Variants in CDKL5 observed in about 807,000 individuals in gnomAD.
CDKL5 encodes cyclin-dependent kinase-like 5.
CDKL5 carries 8 observed loss-of-function variants against 61.7 expected under a neutral mutation model. The observed-to-expected ratio is 0.13, with a 90% confidence interval of 0.08 to 0.23. The LOEUF is 0.23. CDKL5 is among the 10% of genes least tolerant of loss of function. The pLI, the probability that CDKL5 is intolerant of heterozygous loss-of-function variation, is 1.00. For missense variants in CDKL5, 440 were observed against 734.5 expected (o/e 0.60, Z 4.63); for synonymous variants, 275 against 272.3 (o/e 1.01, Z -0.10).
chrX:18,564,482 A>C lies in CDKL5; in HGVS notation c.105A>C (p.Thr35=). ...GVVLKCRHKE[T]HEIVAIKKFK... is the part of the protein sequence containing the mutation. ...CTGCTTCTTTTCCCTTGCAGGAAAC[A>C]CATGAAATTGTGGCGATCAAGAAAT... The change falls in exon 4 of 18, where the codon ACA becomes ACC. Residue 35 remains threonine (T), a synonymous_variant. Transcript: ENST00000623535. The C allele has an allele frequency of 8.6e-7, 1 of 1,160,556 alleles. No homozygotes were observed. The highest frequency in any genetic ancestry group is 1.2e-6 in the Non-Finnish European group (1 of 853,481).
intron 3 of CDKL5, among the ~76,000 whole-genome samples, chrX:18,564,012 A>C (rs911249537): frequency 8.9e-6 from 1 of 111,796 alleles, no homozygotes; most frequent in Non-Finnish European, 1.9e-5. Flanking sequence ...GTGGCCATCA[A>C]TAGGGGCGAG....
chrX:18,650,510 A>T (rs1340500252), exon 21 of CDKL5: 2 of 1,210,444 alleles, frequency 1.7e-6, no homozygotes, highest in Non-Finnish European at 2.2e-6. Context: ...CCTATCCAGT[A>T]CTCCAGGTCC....
chrX:18,653,483 C>A, exon 22 of CDKL5: 3 of 1,211,573 alleles, frequency 2.5e-6, no homozygotes, highest in African/African-American at 1.7e-5. Context: ...ATTCACAGGG[C>A]CCAGGTAAAC....
chrX:18,511,884 T>G (rs1922844182), intron 3 of CDKL5, among the ~76,000 whole-genome samples: 2 of 111,994 alleles, frequency 1.8e-5, no homozygotes, highest in Non-Finnish European at 3.8e-5. Context: ...ACCCATTAAC[T>G]TAGATTGCTT....
At chrX:18,439,287 A>G (rs1316038779) in intron 1 of CDKL5, among the ~76,000 whole-genome samples, 2 of 110,078 alleles carry the variant, frequency 1.8e-5, no homozygotes, top group Admixed American at 2.0e-4. Flanking sequence ...ATGGTATGGC[A>G]GATGAAGGGG....
chrX:18,447,417 C>T (rs1408217406), intron 1 of CDKL5, among the ~76,000 whole-genome samples: 2 of 111,747 alleles, frequency 1.8e-5, no homozygotes, highest in East Asian at 5.6e-4. Context: ...TCTGAAAGAG[C>T]GATTTACACG....
Position 18,509,195 on chromosome X carries a change from A to ACGCACGCGCG in CDKL5, c.65-1620_65-1619insGCGCGCGCAC, listed in dbSNP as rs1348103497. On this transcript the variant is annotated intron_variant, in intron 2 of 17. Coordinates refer to ENST00000623535, the MANE Select transcript of CDKL5 (RefSeq NM_001323289.2). ...TGAGAGAGCGAGACTGTCTCAAAAC[A>ACGCACGCGCG]CGCACACACACACACACACACACAC... is the stretch of plus-strand genomic sequence containing the variant. Among the ~76,000 whole-genome samples, 112 of 64,683 alleles carry ACGCACGCGCG rather than the reference A, an allele frequency of 1.7e-3. 1 individual carries two copies. The highest frequency in any genetic ancestry group is 6.8e-3 in the African/African-American group (103 of 15,123). 56.2% of individuals were successfully genotyped at this position (64,683 alleles called of 115,157 possible).
intron 7 of CDKL5, among the ~76,000 whole-genome samples, chrX:18,582,345 A>G (rs1935898324): frequency 8.9e-6 from 1 of 111,748 alleles, no homozygotes; most frequent in African/African-American, 3.2e-5. Flanking sequence ...AAGTCAAAAG[A>G]CATTTTTAGA....
Position 18,632,685 on chromosome X carries a change from A to G in CDKL5, c.*3928A>G. 2 of 753,915 alleles carry G rather than the reference A, an allele frequency of 2.7e-6. No homozygotes were observed. The highest frequency in any genetic ancestry group is 7.6e-4 in the Middle Eastern group (1 of 1,319). The allele number at this position is 753,915 out of a possible 1,213,427, so 62.1% of individuals were successfully genotyped here. A position where few individuals can be genotyped will look rare whatever the true frequency, so the allele number is the denominator to read the frequency against. On this transcript the variant is annotated 3_prime_UTR_variant, in exon 18 of 18. Transcript: ENST00000623535. ...GTACTTTAATTCTAAGCTCAGAGCT[A>G]TGCTGTCAGTCTCTAGTCACGCCAT...
chrX:18,523,573 A>G (rs1923329540), intron 3 of CDKL5, among the ~76,000 whole-genome samples: 1 of 112,026 alleles, frequency 8.9e-6, no homozygotes, highest in South Asian at 3.7e-4. Context: ...TGTTGTATAC[A>G]TGTAATTAGA....
intron 21 of CDKL5, among the ~76,000 whole-genome samples, chrX:18,651,193 C>T (rs770245915): frequency 2.0e-4 from 16 of 79,159 alleles, no homozygotes; most frequent in Non-Finnish European, 2.9e-4. Context: ...TGAATGGTTT[C>T]GGCTGTCCTT....
chrX:18,509,197 G>GCACGCACACACACA (rs1204561636), intron 2 of CDKL5, among the ~76,000 whole-genome samples: 45 of 64,308 alleles, frequency 7.0e-4, no homozygotes, highest in Non-Finnish European at 1.1e-3. Context: ...CTCAAAACAC[G>GCACGCACACACACA]CACACACACA....
At chrX:18,568,780 A>G (rs1489981913) in intron 4 of CDKL5, among the ~76,000 whole-genome samples, 1 of 109,962 alleles carries the variant, frequency 9.1e-6, no homozygotes, top group Non-Finnish European at 1.9e-5. Flanking sequence ...TGCAGCCTTG[A>G]ACTCCTGGGC....
intron 5 of CDKL5, among the ~76,000 whole-genome samples, chrX:18,578,509 T>C: frequency 8.9e-6 from 1 of 112,298 alleles, no homozygotes; most frequent in Non-Finnish European, 1.9e-5. Flanking sequence ...AAGAACTTTT[T>C]ATTTATGTGT....
chrX:18,598,600 A>T lies in CDKL5; in HGVS notation c.964A>T (p.Thr322Ser), dbSNP rs1268834504. The T allele has an allele frequency of 1.7e-6, 2 of 1,209,591 alleles. No homozygotes were observed. ...AAAACCTTACCATGTGGAAAGCAGCACATTGTCTAATAGGTAAATATTCCC... is the reference window on the plus strand; with the variant it reads ...AAAACCTTACCATGTGGAAAGCAGCTCATTGTCTAATAGGTAAATATTCCC... Reference protein sequence around the residue: ...KRKPYHVESSTLSNRNQAGKS... With the variant: ...KRKPYHVESSSLSNRNQAGKS... Residue 322 changes from threonine to serine, a missense_variant, in exon 11 of 18, where the codon ACA becomes TCA. Thr to Ser is a moderately conservative substitution (Grantham distance 58, BLOSUM62 1). Transcript: ENST00000623535.
intron 1 of CDKL5, among the ~76,000 whole-genome samples, chrX:18,466,034 A>G (rs1459546783): frequency 6.3e-5 from 7 of 111,513 alleles, no homozygotes; most frequent in South Asian, 3.7e-4. Flanking sequence ...TGATAAGCTA[A>G]TTTTTTCTGC....
chrX:18,589,715 G>A (rs1163907158), intron 9 of CDKL5: 2 of 111,997 alleles, frequency 1.8e-5, no homozygotes, highest in East Asian at 5.6e-4. Context: ...TCACCACACT[G>A]ACTTCCACAA....
At chrX:18,450,223 A>C (rs1031529415) in intron 1 of CDKL5, among the ~76,000 whole-genome samples, 1 of 112,357 alleles carries the variant, frequency 8.9e-6, no homozygotes, top group South Asian at 3.7e-4. Flanking sequence ...TTTTTAGTGT[A>C]GATTTATTAT....
intron 4 of CDKL5, among the ~76,000 whole-genome samples, chrX:18,572,897 C>A (rs1339259848): frequency 9.0e-6 from 1 of 111,651 alleles, no homozygotes; most frequent in Non-Finnish European, 1.9e-5. Flanking sequence ...ACTAAGCAAA[C>A]AAATATATCA....
Sources: gnomAD v4.1 joint callset for allele counts (sites outside exome capture counted in the v4.1 genomes callset) on GRCh38, gnomAD v4.1.1 for gene constraint, MANE v1.5 for transcripts, NCBI Gene and HGNC (gene_info 2026-07-23, HGNC 2026-07-21) for gene names.